Variants in GLIS3 observed in about 807,000 individuals in gnomAD.
The protein encoded by GLIS3 is zinc finger protein GLIS3.
In GLIS3, 53 loss-of-function variants were observed where a neutral mutation model predicts 78.6. That is an observed-to-expected ratio of 0.67 (90% CI 0.54 to 0.85). The LOEUF is 0.85. Among genes scored for constraint, GLIS3 ranks in the 40% least tolerant of loss-of-function variants. The pLI, the probability that GLIS3 is intolerant of heterozygous loss-of-function variation, is 0.00. For missense variants in GLIS3, 1,703 were observed against 1,231.1 expected (o/e 1.38, Z -5.74); for synonymous variants, 684 against 509.9 (o/e 1.34, Z -4.60).
chr9:4,329,553 A>G (rs1817652728), intron 2 of GLIS3, among the ~76,000 whole-genome samples: 1 of 152,156 alleles, frequency 6.6e-6, no homozygotes, highest in East Asian at 1.9e-4. Flanking sequence ...ATAGGCTAGA[A>G]AGCATTTAAT....
intron 2 of GLIS3, among the ~76,000 whole-genome samples, chr9:4,334,944 T>G (rs1817737519): frequency 2.2e-5 from 3 of 138,084 alleles, no homozygotes; most frequent in Non-Finnish European, 3.1e-5. Context: ...AGTCTTGCTC[T>G]GTCACCCAGG....
At chr9:4,012,683 G>C (rs1296047354) in intron 4 of GLIS3, among the ~76,000 whole-genome samples, 1 of 151,082 alleles carries the variant, frequency 6.6e-6, no homozygotes, top group Non-Finnish European at 1.5e-5. Flanking sequence ...GTGGACCCTA[G>C]CCACCATCTC....
At chr9:4,033,699 T>C (rs1824053247) in intron 4 of GLIS3, among the ~76,000 whole-genome samples, 1 of 152,054 alleles carries the variant, frequency 6.6e-6, no homozygotes. Flanking sequence ...CAAGGGCAGG[T>C]ACTAAAACAG....
chr9:4,210,105 C>T, intron 2 of GLIS3, among the ~76,000 whole-genome samples: 1 of 152,196 alleles, frequency 6.6e-6, no homozygotes, highest in South Asian at 2.1e-4. Flanking sequence ...TGAGTATTTA[C>T]TGAATAAAAG....
chr9:4,314,080 GC>G (rs1311854937), intron 2 of GLIS3, among the ~76,000 whole-genome samples: 2 of 152,192 alleles, frequency 1.3e-5, no homozygotes, highest in African/African-American at 2.4e-5. Context: ...GTGACCCGGG[GC>G]AAGTAACTTA....
At chr9:3,854,918 C>T (rs961371741) in intron 9 of GLIS3, among the ~76,000 whole-genome samples, 13 of 152,198 alleles carry the variant, frequency 8.5e-5, no homozygotes, top group African/African-American at 2.9e-4. Flanking sequence ...TATTCACACT[C>T]AATTTGCATA....
intron 4 of GLIS3, among the ~76,000 whole-genome samples, chr9:4,053,473 T>C (rs1825886014): frequency 6.6e-6 from 1 of 152,058 alleles, no homozygotes; most frequent in Admixed American, 6.6e-5. Context: ...TATTTAATCA[T>C]TCACTAGTTA....
rs951495953 is a variant in GLIS3 at position 4,186,566 on chromosome 9, A to T, written c.389-60625T>A. On this transcript the variant is annotated intron_variant, in intron 2 of 10. Transcript: ENST00000381971. Reference sequence around the variant, plus strand: ...ATTCCTAGTTCTAGATCCCTGAGGAATCGCCACACTGACTTCCACAATGGT... The same window carrying T: ...ATTCCTAGTTCTAGATCCCTGAGGATTCGCCACACTGACTTCCACAATGGT... Among the ~76,000 whole-genome samples, 4 of 151,786 alleles carry T rather than the reference A, an allele frequency of 2.6e-5. No homozygotes were observed. In the South Asian group the frequency reaches 6.3e-4, roughly 24 times the overall value.
At chr9:3,971,481 G>A (rs1007580059) in intron 4 of GLIS3, among the ~76,000 whole-genome samples, 3 of 152,136 alleles carry the variant, frequency 2.0e-5, no homozygotes, top group African/African-American at 7.2e-5. Flanking sequence ...GCCATTGGGG[G>A]AAACTAATAA....
chr9:4,060,767 A>T (rs1044752456), intron 4 of GLIS3, among the ~76,000 whole-genome samples: 6 of 152,186 alleles, frequency 3.9e-5, no homozygotes, highest in Non-Finnish European at 8.8e-5. Context: ...TTGTTAAATT[A>T]TCCAGTTTTG....
chr9:4,113,113 AT>A (rs1488724481), intron 4 of GLIS3, among the ~76,000 whole-genome samples: 1 of 151,960 alleles, frequency 6.6e-6, no homozygotes, highest in African/African-American at 2.4e-5. Context: ...CCTTTTGCAC[AT>A]ATTTTTTTCA....
At chr9:4,381,836 CTCTT>C in the GLIS3 span, among the ~76,000 whole-genome samples, 75 of 152,308 alleles carry the variant, frequency 4.9e-4, no homozygotes, top group South Asian at 2.9e-3. Flanking sequence ...TTCTTATACT[CTCTT>C]TGTTTCTGCT....
intron 4 of GLIS3, among the ~76,000 whole-genome samples, chr9:4,064,841 C>G (rs539866039): frequency 6.6e-6 from 1 of 152,216 alleles, no homozygotes; most frequent in African/African-American, 2.4e-5. Context: ...AGGACTAATT[C>G]GGAAGGAACA....
intron 2 of GLIS3, among the ~76,000 whole-genome samples, chr9:4,222,446 G>C (rs1247944695): frequency 6.6e-6 from 1 of 152,130 alleles, no homozygotes; most frequent in Non-Finnish European, 1.5e-5. Flanking sequence ...CTTAGAATCG[G>C]CCTACCCTAT....
chr9:4,350,892 T>C (rs896598011), upstream of GLIS3, among the ~76,000 whole-genome samples: 1 of 152,216 alleles, frequency 6.6e-6, no homozygotes, highest in African/African-American at 2.4e-5. Context: ...CAGAACCAGC[T>C]ACGTAATTTT....
chr9:4,212,444 A>C (rs910016706), intron 2 of GLIS3, among the ~76,000 whole-genome samples: 3 of 152,170 alleles, frequency 2.0e-5, no homozygotes, highest in Admixed American at 1.3e-4. Flanking sequence ...ACAAAATAGG[A>C]AACAAGGCAA....
At chr9:4,485,987 G>A in the GLIS3 span, among the ~76,000 whole-genome samples, 28 of 152,156 alleles carry the variant, frequency 1.8e-4, no homozygotes, top group Admixed American at 5.2e-4. Context: ...CTCCCAAAGA[G>A]GTGGGATTAC....
the GLIS3 span, among the ~76,000 whole-genome samples, chr9:4,436,469 C>T: frequency 6.6e-6 from 1 of 151,996 alleles, no homozygotes; most frequent in Admixed American, 6.6e-5. Flanking sequence ...CACCATGACC[C>T]CCAAGCTACC....
rs181458731 is a variant in GLIS3, at chr9:4,125,058, C to A, written c.596+676G>T. On this transcript the variant is annotated intron_variant, in intron 3 of 10. Coordinates refer to ENST00000381971, the MANE Select transcript of GLIS3 (RefSeq NM_001042413.2). ...GGTGATTTCCCTTTTCTATTCAATT[C>A]CCTCCCTTGGAGATAGACACATGGC... Among the ~76,000 whole-genome samples, 7 of 152,282 alleles carry A rather than the reference C, an allele frequency of 4.6e-5. No homozygotes were observed. In the East Asian group the frequency reaches 1.3e-3, roughly 29 times the overall value.
Sources: gnomAD v4.1 joint callset for allele counts (sites outside exome capture counted in the v4.1 genomes callset) on GRCh38, gnomAD v4.1.1 for gene constraint, MANE v1.5 for transcripts, NCBI Gene and HGNC (gene_info 2026-07-23, HGNC 2026-07-21) for gene names.